The following TMEM117 variants were observed in gnomAD, a reference collection of about 807,000 sequenced individuals.
TMEM117 encodes transmembrane protein 117.
In TMEM117, 27 loss-of-function variants were observed where a neutral mutation model predicts 52.4. The observed-to-expected ratio is 0.51, with a 90% CI of 0.38 to 0.71. The LOEUF (loss-of-function observed/expected upper bound fraction) is 0.71. Ranked by LOEUF, TMEM117 falls within the 30% of genes least tolerant of loss-of-function variation. The probability of loss-of-function intolerance (pLI) is 0.00; values close to 1 mark genes in which losing one functional copy is unlikely to be tolerated. For synonymous variants in TMEM117, 215 were observed against 206.3 expected, an observed-to-expected ratio of 1.04 and a Z score of -0.36; for missense variants, 556 against 630.5, an observed-to-expected ratio of 0.88 and a Z score of 1.26.
At chr12:44,362,014 G>A (rs1242259381) in intron 6 of TMEM117, among the ~76,000 whole-genome samples, 1 of 152,102 alleles carries the variant, frequency 6.6e-6, no homozygotes, top group African/African-American at 2.4e-5. Flanking sequence ...CACTTGCTTT[G>A]CTCAATATTC....
At chr12:43,798,956 A>C in the TMEM117 span, among the ~76,000 whole-genome samples, 1 of 152,098 alleles carries the variant, frequency 6.6e-6, no homozygotes, top group Admixed American at 6.5e-5. Context: ...CTCAAATAAT[A>C]ATCTTCCATA....
intron 5 of TMEM117, among the ~76,000 whole-genome samples, chr12:44,287,753 G>A (rs911575765): frequency 1.3e-5 from 2 of 152,166 alleles, no homozygotes; most frequent in African/African-American, 2.4e-5. Context: ...GAGTCAGCCT[G>A]GACTTGAACC....
chr12:43,873,766 G>C (rs1943745682), intron 2 of TMEM117, among the ~76,000 whole-genome samples: 2 of 151,262 alleles, frequency 1.3e-5, no homozygotes, highest in Admixed American at 1.3e-4. Context: ...TTCATTCTGA[G>C]AGCCTTTTAC....
chr12:43,932,534 C>T (rs1944888129), intron 2 of TMEM117, among the ~76,000 whole-genome samples: 1 of 152,052 alleles, frequency 6.6e-6, no homozygotes, highest in Admixed American at 6.5e-5. Context: ...ATAGATTTGT[C>T]CTAACTCACC....
At chr12:43,882,741 T>C (rs1026409315) in intron 2 of TMEM117, among the ~76,000 whole-genome samples, 1 of 152,206 alleles carries the variant, frequency 6.6e-6, no homozygotes, top group Admixed American at 6.5e-5. Flanking sequence ...GGAGGCTTTC[T>C]TCCTTGGGCA....
At chr12:44,014,735 T>C (rs894520365) in intron 3 of TMEM117, among the ~76,000 whole-genome samples, 1 of 152,204 alleles carries the variant, frequency 6.6e-6, no homozygotes, top group Non-Finnish European at 1.5e-5. Context: ...TGCTATTTTT[T>C]CCCCTTGGTG....
chr12:43,939,824 G>T (rs1945014780), intron 2 of TMEM117, among the ~76,000 whole-genome samples: 1 of 151,158 alleles, frequency 6.6e-6, no homozygotes, highest in South Asian at 2.2e-4. Context: ...AAAGGAAAGA[G>T]ATTTAATCGA....
At chr12:44,096,148 ACTTAC>A (rs1947757150) in intron 3 of TMEM117, among the ~76,000 whole-genome samples, 1 of 152,224 alleles carries the variant, frequency 6.6e-6, no homozygotes, top group Non-Finnish European at 1.5e-5. Context: ...TAGGAATCCA[ACTTAC>A]AAGGGACATG....
At chr12:44,195,561 CGTAAA>C (rs980880350) in intron 4 of TMEM117, among the ~76,000 whole-genome samples, 2 of 151,902 alleles carry the variant, frequency 1.3e-5, no homozygotes, top group African/African-American at 4.8e-5. Context: ...ATGTTTAAAA[CGTAAA>C]GTAATAATGC....
At chr12:43,904,535 C>T (rs1039904939) in intron 2 of TMEM117, among the ~76,000 whole-genome samples, 2 of 152,110 alleles carry the variant, frequency 1.3e-5, no homozygotes, top group Non-Finnish European at 1.5e-5. Context: ...TCTTTTGGAA[C>T]AAGAATTCTG....
intron 3 of TMEM117, among the ~76,000 whole-genome samples, chr12:44,137,256 C>T (rs1948504590): frequency 6.6e-6 from 1 of 151,806 alleles, no homozygotes; most frequent in Admixed American, 6.6e-5. Context: ...CGATAACTTT[C>T]AAAAGTAATG....
intron 3 of TMEM117, among the ~76,000 whole-genome samples, chr12:44,126,677 G>A (rs1948330383): frequency 6.6e-6 from 1 of 152,186 alleles, no homozygotes; most frequent in Admixed American, 6.5e-5. Context: ...TCAAGGAATA[G>A]TCTATTTTTA....
intron 3 of TMEM117, among the ~76,000 whole-genome samples, chr12:44,093,274 G>C (rs1446188136): frequency 6.6e-6 from 1 of 152,068 alleles, no homozygotes; most frequent in Admixed American, 6.6e-5. Context: ...CAGCTCCCCA[G>C]AGTATAAAGC....
At chr12:43,847,829 C>A (rs76451727) in intron 2 of TMEM117, among the ~76,000 whole-genome samples, 5,948 of 152,088 alleles carry the variant, frequency 0.039, 149 homozygotes, top group Middle Eastern at 0.088. Context: ...ATTGGGGGAA[C>A]CTGCCCCCAA....
At chr12:44,330,791 C>T (rs1002954488) in intron 6 of TMEM117, among the ~76,000 whole-genome samples, 47 of 152,036 alleles carry the variant, frequency 3.1e-4, no homozygotes, top group African/African-American at 1.1e-3. Flanking sequence ...ATGGAGGTAA[C>T]GTTTCCACCT....
At chr12:44,372,354 A>C (rs1270742500) in intron 6 of TMEM117, among the ~76,000 whole-genome samples, 2 of 152,170 alleles carry the variant, frequency 1.3e-5, no homozygotes, top group African/African-American at 2.4e-5. Flanking sequence ...AGAAGGAAAG[A>C]AAGCCATGAC....
intron 3 of TMEM117, among the ~76,000 whole-genome samples, chr12:44,051,059 GT>G (rs1349392720): frequency 6.6e-6 from 1 of 152,154 alleles, no homozygotes; most frequent in East Asian, 1.9e-4. Context: ...CTCTTTATGT[GT>G]TACATAGTAT....
chr12:44,157,974 A>G (rs961229706), intron 4 of TMEM117, among the ~76,000 whole-genome samples: 1 of 152,174 alleles, frequency 6.6e-6, no homozygotes, highest in Non-Finnish European at 1.5e-5. Flanking sequence ...TGAGGCAAAA[A>G]TTAGATACTC....
intron 6 of TMEM117, among the ~76,000 whole-genome samples, chr12:44,373,792 T>A (rs1951899053): frequency 7.1e-6 from 1 of 140,216 alleles, no homozygotes; most frequent in Non-Finnish European, 1.5e-5. Context: ...TTTTTTTTTT[T>A]TTTTTTTGAG....
Sources: gnomAD v4.1 joint callset for allele counts (sites outside exome capture counted in the v4.1 genomes callset) on GRCh38, gnomAD v4.1.1 for gene constraint, MANE v1.5 for transcripts, NCBI Gene and HGNC (gene_info 2026-07-23, HGNC 2026-07-21) for gene names.